Variants in UTS2B observed in about 807,000 individuals in gnomAD.
UTS2B encodes the protein urotensin-2B.
Under a neutral mutation model 19.2 loss-of-function variants are expected in UTS2B, and 21 were observed. That is an observed-to-expected ratio of 1.09 (90% CI 0.78 to 1.58). The LOEUF (loss-of-function observed/expected upper bound fraction) is 1.58. UTS2B is among the 40% of genes most tolerant of loss of function. The probability of loss-of-function intolerance (pLI) is 0.00; values close to 1 mark genes in which losing one functional copy is unlikely to be tolerated. For missense variants in UTS2B, 138 were observed against 130.3 expected (o/e 1.06, Z -0.29); for synonymous variants, 57 against 50.2 (o/e 1.14, Z -0.58).
intron 5 of UTS2B, among the ~76,000 whole-genome samples, chr3:191,281,886 T>C (rs7644967): frequency 0.51 from 76,440 of 151,282 alleles, 21,060 homozygotes; most frequent in Middle Eastern, 0.62. Flanking sequence ...TTAATTTGGG[T>C]AAAATTAATC....
Position 191,268,304 on chromosome 3 carries a change from T to C in UTS2B, c.*112A>G. 5 of 783,148 alleles carry C rather than the reference T, an allele frequency of 6.4e-6. No homozygotes were observed. The highest frequency in any genetic ancestry group is 1.0e-5 in the Non-Finnish European group (5 of 501,900). 48.5% of individuals were successfully genotyped at this position (783,148 alleles called of 1,614,324 possible). On this transcript the variant is annotated 3_prime_UTR_variant, in exon 9 of 9. Coordinates refer to ENST00000340524, the MANE Select transcript of UTS2B (RefSeq NM_198152.5). ...TTTGTATTTACAATAATCAGGAGCA[T>C]TTCATCTTTTATTCCACAGCAATAG...
chr3:191,319,228 T>C (rs145648147), intron 2 of UTS2B, among the ~76,000 whole-genome samples: 2 of 152,362 alleles, frequency 1.3e-5, no homozygotes, highest in African/African-American at 2.4e-5. Flanking sequence ...GCCAAGCTCT[T>C]GGCTGAGATT....
chr3:191,272,144 C>T (rs867291664), intron 8 of UTS2B, among the ~76,000 whole-genome samples: 51 of 152,306 alleles, frequency 3.3e-4, no homozygotes, highest in African/African-American at 1.0e-3. Context: ...CATGTAAACT[C>T]GGTCAAAATT....
chr3:191,318,350 G>T (rs934620950), intron 2 of UTS2B, among the ~76,000 whole-genome samples: 11 of 152,216 alleles, frequency 7.2e-5, no homozygotes, highest in African/African-American at 2.2e-4. Context: ...GAGGTCACAA[G>T]AAAAGTAGCC....
chr3:191,316,187 A>G lies in UTS2B; in HGVS notation c.-333T>C, dbSNP rs1717443801. 6.6e-6 allele frequency: 1 copy of G among 151,772 alleles called. No homozygotes were observed. Among genetic ancestry groups the G allele is most frequent in the Non-Finnish European group, 1.5e-5 (1 of 67,976 alleles). The allele number at this position is 151,772 out of a possible 1,614,324, so 9.4% of individuals were successfully genotyped here. On this transcript the variant is annotated 5_prime_UTR_variant, in exon 3 of 9. Transcript: ENST00000340524. ...GTTTTCTTCCACATAGCCTTTCCAT[A>G]TAGCCAGTTTCCAACAGCATATTAG...
intron 4 of UTS2B, among the ~76,000 whole-genome samples, chr3:191,292,930 G>A (rs1456567251): frequency 1.3e-5 from 2 of 151,894 alleles, no homozygotes; most frequent in Admixed American, 6.6e-5. Context: ...AATTCCCCCA[G>A]GAGGCAGAAG....
intron 1 of UTS2B, chr3:191,329,832 C>T (rs941983261): frequency 1.3e-5 from 15 of 1,161,184 alleles, no homozygotes; most frequent in Middle Eastern, 2.1e-4. Context: ...GCCCGGTGCC[C>T]GCCCTGCGTT....
upstream of UTS2B, among the ~76,000 whole-genome samples, chr3:191,332,747 T>C (rs757409025): frequency 2.0e-5 from 3 of 152,230 alleles, no homozygotes; most frequent in Non-Finnish European, 2.9e-5. Flanking sequence ...AGCTTCTTCA[T>C]TGAATTTTTC....
intron 4 of UTS2B, among the ~76,000 whole-genome samples, chr3:191,297,460 A>C (rs1301693782): frequency 6.6e-6 from 1 of 152,218 alleles, no homozygotes; most frequent in Non-Finnish European, 1.5e-5. Context: ...TATTTTAAAA[A>C]TGTGAGATCC....
At chr3:191,272,537 C>G (rs1716118375) in intron 8 of UTS2B, among the ~76,000 whole-genome samples, 1 of 152,150 alleles carries the variant, frequency 6.6e-6, no homozygotes, top group African/African-American at 2.4e-5. Flanking sequence ...TGAATAATAA[C>G]TCATCTTTTC....
At position 191,309,011 on chromosome 3, in the gene UTS2B, A is replaced by G. The variant is rs181059844; in HGVS notation, c.-181-4463T>C. On this transcript the variant is annotated intron_variant, in intron 3 of 8. Coordinates refer to ENST00000340524, the MANE Select transcript of UTS2B (RefSeq NM_198152.5). ...ACACTATATTTGATCCTCTATCCTA[A>G]AGGGATCACTATTTTAATAATAGCA... Among the ~76,000 whole-genome samples, 378 of 152,320 alleles carry G rather than the reference A, an allele frequency of 2.5e-3. 1 individual carries two copies. Among genetic ancestry groups the G allele is most frequent in the African/African-American group, 8.9e-3 (369 of 41,576 alleles).
chr3:191,337,117 G>C, the UTS2B span, among the ~76,000 whole-genome samples: 1 of 151,612 alleles, frequency 6.6e-6, no homozygotes, highest in Admixed American at 6.6e-5. Flanking sequence ...AGTTGTAGCA[G>C]AGACCACGTG....
At chr3:191,293,631 A>C (rs1716774443) in intron 4 of UTS2B, among the ~76,000 whole-genome samples, 1 of 152,014 alleles carries the variant, frequency 6.6e-6, no homozygotes, top group Non-Finnish European at 1.5e-5. Context: ...ATTCTGTCTC[A>C]TCTTTATTAA....
the UTS2B span, among the ~76,000 whole-genome samples, chr3:191,339,375 CTAAA>C: frequency 6.6e-6 from 1 of 152,110 alleles, no homozygotes; most frequent in African/African-American, 2.4e-5. Context: ...TCTAAACCAT[CTAAA>C]TAATTTTGAC....
chr3:191,332,408 A>C (rs1718021446), upstream of UTS2B, among the ~76,000 whole-genome samples: 1 of 152,232 alleles, frequency 6.6e-6, no homozygotes, highest in African/African-American at 2.4e-5. Flanking sequence ...AAGTCAACTA[A>C]GTGTCAACAC....
intron 1 of UTS2B, chr3:191,329,870 A>T: frequency 1.7e-6 from 1 of 601,980 alleles, no homozygotes; most frequent in Non-Finnish European, 2.6e-6. Context: ...AAAGGAATTG[A>T]ATTCAGGTTC....
chr3:191,284,768 T>G (rs935101075), intron 4 of UTS2B, among the ~76,000 whole-genome samples: 1 of 151,844 alleles, frequency 6.6e-6, no homozygotes, highest in East Asian at 2.0e-4. Flanking sequence ...TTAAGAAATC[T>G]GATATAATTT....
At chr3:191,312,237 A>C (rs935398905) in intron 3 of UTS2B, among the ~76,000 whole-genome samples, 11 of 151,952 alleles carry the variant, frequency 7.2e-5, no homozygotes, top group Admixed American at 3.3e-4. Context: ...ACAGCAAATT[A>C]TTGGGCTGTG....
At chr3:191,294,708 A>G (rs1716811222) in intron 4 of UTS2B, 1 of 147,710 alleles carries the variant, frequency 6.8e-6, no homozygotes, top group Non-Finnish European at 1.5e-5. Flanking sequence ...CTCTCTCTAC[A>G]TAATTTTCCC....
Sources: allele counts gnomAD v4.1 joint callset (sites outside exome capture counted in the v4.1 genomes callset), GRCh38; gene constraint gnomAD v4.1.1; transcripts MANE v1.5; gene names NCBI Gene and HGNC (gene_info 2026-07-23, HGNC 2026-07-21).